MACF1: variants seen among roughly 807,000 people sequenced by gnomAD.
MACF1 encodes the protein microtubule actin crosslinking factor 1, also known as microtubule-actin cross-linking factor 1.
Under a neutral mutation model 854.8 loss-of-function variants are expected in MACF1, and 193 were observed. That is an observed-to-expected ratio of 0.23 (90% CI 0.20 to 0.25). The LOEUF (loss-of-function observed/expected upper bound fraction) is 0.25. MACF1 is among the 10% of genes least tolerant of loss of function. The pLI is 1.00. For missense variants in MACF1, 7,722 were observed against 8,929.1 expected (o/e 0.86, Z 5.45); for synonymous variants, 3,185 against 3,226.7 (o/e 0.99, Z 0.44).
At chr1:39,397,135 C>G (rs12096223) in intron 58 of MACF1, among the ~76,000 whole-genome samples, 4,775 of 152,214 alleles carry the variant, frequency 0.031, 233 homozygotes, top group African/African-American at 0.11. Flanking sequence ...CTGTGCTAGT[C>G]CTTGTGGTGG....
In MACF1 at chr1:39,251,846, G is replaced by T; in HGVS notation, c.262G>T (p.Glu88Ter). Residue 88 changes from glutamate (E) to a stop codon, truncating the protein, a stop_gained and splice_region_variant, in exon 4 of 101, where the codon GAG becomes TAG. Coordinates refer to ENST00000564288, the MANE Select transcript of MACF1 (RefSeq NM_001394062.1). LOFTEE classifies it high-confidence loss of function. ...LLEVLSGIKL[E>*]PAGLKTLRLV... ...TCTTTGCCTTGGTTGGTGGCCAAAG[G>T]AGCCAGCAGGGCTGAAGACCCTCCG... 7.1e-7 allele frequency: 1 copy of T among 1,407,616 alleles called. No homozygotes were observed. Among genetic ancestry groups the T allele is most frequent in the Non-Finnish European group, 9.3e-7 (1 of 1,079,118 alleles). 87.2% of individuals were successfully genotyped at this position (1,407,616 alleles called of 1,614,324 possible).
At chr1:39,208,184 A>G (rs946545286) in intron 1 of MACF1, among the ~76,000 whole-genome samples, 2 of 150,026 alleles carry the variant, frequency 1.3e-5, no homozygotes, top group African/African-American at 2.4e-5. Context: ...TTTTTAATTA[A>G]ATCTACTCCG....
intron 58 of MACF1, among the ~76,000 whole-genome samples, chr1:39,408,585 C>A (rs1237978614): frequency 6.6e-6 from 1 of 151,256 alleles, no homozygotes; most frequent in Non-Finnish European, 1.5e-5. Context: ...GGCGCCCTTT[C>A]TGGATTCGTT....
At position 39,465,151 on chromosome 1, in the gene MACF1, A is replaced by G. The variant is rs754070812; in HGVS notation, c.21771+39A>G. The G allele has an allele frequency of 1.7e-5, 28 of 1,600,294 alleles. No homozygotes were observed. The East Asian group carries it at 3.6e-4, about 20-fold the overall frequency. On this transcript the variant is annotated intron_variant, in intron 95 of 100. Transcript: ENST00000564288. ...TGCAATGTTCTCCTTCTCAATGGAT[A>G]TGGTCTGTGTAGCTAATGCTGCCTG...
In MACF1 at chr1:39,291,239, A is replaced by C. The variant is rs1645779822; in HGVS notation, c.1786-671A>C. On this transcript the variant is annotated intron_variant, in intron 15 of 100. Transcript: ENST00000564288. ...TGATCCACCTGCCTCAGCCCCCCAA[A>C]GTGCTGGGATTACAGGCGTGAGCCA... Among the ~76,000 whole-genome samples, 3 of 152,174 alleles carry C rather than the reference A, an allele frequency of 2.0e-5. No homozygotes were observed. The South Asian group carries it at 6.2e-4, about 32-fold the overall frequency.
intron 58 of MACF1, among the ~76,000 whole-genome samples, chr1:39,415,054 A>C (rs186353098): frequency 9.2e-4 from 140 of 152,332 alleles, no homozygotes; most frequent in Non-Finnish European, 1.8e-3. Context: ...ATTCTTTTCA[A>C]ATAGGTATGT....
chr1:39,214,944 C>T (rs1644558199), intron 1 of MACF1, among the ~76,000 whole-genome samples: 1 of 152,224 alleles, frequency 6.6e-6, no homozygotes, highest in African/African-American at 2.4e-5. Context: ...AACTAAGATT[C>T]ACCACATTAC....
Position 39,387,289 on chromosome 1 carries a change from A to AAGC in MACF1, c.14449_14451dup (p.Ala4817dup), listed in dbSNP as rs529950852. 666 of 1,614,250 alleles carry AAGC rather than the reference A, an allele frequency of 4.1e-4. 5 individuals carry two copies. In the South Asian group the frequency reaches 6.8e-3, roughly 17 times the overall value. ...TGGTTGGATGATAAACAAAGCCAGC[A>AAGC]AGCAAAAAACTGCCCAATTTCTGCA... is the stretch of plus-strand genomic sequence containing the variant. On this transcript the variant is annotated inframe_insertion, in exon 58 of 101. Coordinates refer to ENST00000564288, the MANE Select transcript of MACF1 (RefSeq NM_001394062.1).
At chr1:39,122,213 A>G (rs974471446) in intron 2 of MACF1, among the ~76,000 whole-genome samples, 5 of 151,894 alleles carry the variant, frequency 3.3e-5, no homozygotes, top group African/African-American at 1.2e-4. Flanking sequence ...TGATTATGTA[A>G]CATACTTGTA....
At chr1:39,266,594 C>CTTTTTTTTTTTTTTTT (rs11406070) in intron 6 of MACF1, among the ~76,000 whole-genome samples, 2 of 58,122 alleles carry the variant, frequency 3.4e-5, no homozygotes, top group African/African-American at 7.3e-5. Flanking sequence ...TGGTCTTTTC[C>CTTTTTTTTTTTTTTTT]TTTTTTTTTT....
intron 58 of MACF1, among the ~76,000 whole-genome samples, chr1:39,408,209 T>C (rs371587764): frequency 8.9e-4 from 136 of 152,288 alleles, no homozygotes; most frequent in African/African-American, 3.2e-3. Flanking sequence ...CACCCCATTT[T>C]CTTCCGTCAT....
intron 49 of MACF1, among the ~76,000 whole-genome samples, chr1:39,362,027 T>C (rs1648227556): frequency 6.6e-6 from 1 of 152,182 alleles, no homozygotes. Flanking sequence ...TTACATTTTA[T>C]TAGTCAAAGC....
At chr1:39,162,021 C>G (rs1043622895) in intron 2 of MACF1, among the ~76,000 whole-genome samples, 2 of 151,644 alleles carry the variant, frequency 1.3e-5, no homozygotes, top group African/African-American at 4.8e-5. Context: ...TATGATCATG[C>G]CACTGCACTA....
intron 2 of MACF1, among the ~76,000 whole-genome samples, chr1:39,236,230 G>C (rs1413948478): frequency 1.3e-5 from 2 of 152,186 alleles, no homozygotes; most frequent in African/African-American, 4.8e-5. Flanking sequence ...CTAAAGTCTA[G>C]AAACCGTGCT....
At chr1:39,344,245 T>C (rs1449415826) in intron 40 of MACF1, among the ~76,000 whole-genome samples, 1 of 151,704 alleles carries the variant, frequency 6.6e-6, no homozygotes, top group Non-Finnish European at 1.5e-5. Context: ...CTGGCCAACA[T>C]GGTGAAACCC....
At chr1:39,317,524 A>T (rs1646435634) in intron 29 of MACF1, 117 bp downstream of exon 29, 1 of 1,176,580 alleles carries the variant, frequency 8.5e-7, no homozygotes, top group Non-Finnish European at 1.2e-6. Context: ...GGAGGGGTGG[A>T]AATTTAAAAA....
rs1476938391 is a variant in MACF1 at position 39,347,121 on chromosome 1, T to A, written c.10726T>A (p.Ser3576Thr). 6.2e-7 allele frequency: 1 copy of A among 1,613,680 alleles called. No homozygotes were observed. Among genetic ancestry groups the A allele is most frequent in the Non-Finnish European group, 8.5e-7 (1 of 1,179,908 alleles). The change falls in exon 41 of 101, where the codon TCC becomes ACC. Residue 3576 changes from serine (S) to threonine (T), a missense_variant. Ser to Thr is a moderately conservative substitution (Grantham distance 58, BLOSUM62 1). Transcript: ENST00000564288. ...MLRLLNELQRSFQDILEQTAA... is the reference protein window; with the variant it reads ...MLRLLNELQRTFQDILEQTAA... ...GAGGCTTCTGAATGAACTGCAGAGGTCCTTCCAGGACATTTTGGAACAGAC... is the reference window on the plus strand; with the variant it reads ...GAGGCTTCTGAATGAACTGCAGAGGACCTTCCAGGACATTTTGGAACAGAC...
Position 39,357,585 on chromosome 1 carries a change from T to A in MACF1, c.11635T>A (p.Leu3879Met). The change falls in exon 45 of 101, where the codon TTG becomes ATG. Residue 3879 changes from leucine (L) to methionine (M), a missense_variant. This residue lies in a region of MACF1 where 2,807 missense variants were observed against 3,235.8 expected (regional missense o/e 0.87). Coordinates refer to ENST00000564288, the MANE Select transcript of MACF1 (RefSeq NM_001394062.1). ...GCAGGTGCAGACACTTCAGGATGAG[T>A]TGCAGAAATTTCTGCAGGATCATAA... is the stretch of plus-strand genomic sequence containing the variant. ...LKQVQTLQDELQKFLQDHKEF... is the reference protein window; with the variant it reads ...LKQVQTLQDEMQKFLQDHKEF... 1.2e-6 allele frequency: 2 copies of A among 1,614,030 alleles called. No individual in the cohort carries two copies. Among genetic ancestry groups the A allele is most frequent in the Non-Finnish European group, 1.7e-6 (2 of 1,179,974 alleles).
chr1:39,103,475 C>T (rs576765334), intron 2 of MACF1: 1 of 159,696 alleles, frequency 6.3e-6, no homozygotes, highest in East Asian at 1.8e-4. Context: ...GATGACTCAG[C>T]ACTGACACAG....
Sources: gnomAD v4.1 joint callset for allele counts (sites outside exome capture counted in the v4.1 genomes callset) on GRCh38, gnomAD v4.1.1 for gene constraint, gnomAD v4.1.1 regional missense constraint, MANE v1.5 for transcripts, NCBI Gene and HGNC (gene_info 2026-07-23, HGNC 2026-07-21) for gene names.